Variants in KCNQ4 observed in about 807,000 individuals in gnomAD.
KCNQ4 encodes the protein potassium voltage-gated channel subfamily Q member 4.
In KCNQ4, 31 loss-of-function variants were observed where a neutral mutation model predicts 72.6. The ratio of observed to expected loss-of-function variants is 0.43; its 90% CI spans 0.32 to 0.58. The LOEUF (loss-of-function observed/expected upper bound fraction) is 0.58, where lower values mean the gene tolerates loss of function less well. KCNQ4 is among the 20% of genes least tolerant of loss of function. KCNQ4 has a pLI of 0.08. For synonymous variants in KCNQ4, 405 were observed against 403.7 expected, an observed-to-expected ratio of 1.00 and a Z score of -0.04; for missense variants, 869 against 962.6, an observed-to-expected ratio of 0.90 and a Z score of 1.29.
chr1:40,791,473 G>A (rs1570800272), intron 1 of KCNQ4, among the ~76,000 whole-genome samples: 1 of 152,162 alleles, frequency 6.6e-6, no homozygotes, highest in East Asian at 1.9e-4. Flanking sequence ...GCTACACAGA[G>A]CCCCCAGGAC....
intron 9 of KCNQ4, chr1:40,826,664 T>G (rs1558024194): frequency 2.2e-6 from 1 of 455,848 alleles, no homozygotes; most frequent in Non-Finnish European, 4.4e-6. Context: ...AAACGGAGTT[T>G]CTTTCGGATC....
At chr1:40,836,038 C>T (rs1001911460) in intron 12 of KCNQ4, among the ~76,000 whole-genome samples, 5 of 151,922 alleles carry the variant, frequency 3.3e-5, no homozygotes, top group East Asian at 1.9e-4. Flanking sequence ...TTTGTGCAAA[C>T]GACTGACAAG....
At chr1:40,791,752 C>T (rs577238210) in intron 1 of KCNQ4, among the ~76,000 whole-genome samples, 13 of 152,044 alleles carry the variant, frequency 8.6e-5, no homozygotes, top group Non-Finnish European at 5.9e-5. Flanking sequence ...ACACCCAGGC[C>T]GGGAAGGTGG....
rs187662867 is a variant in KCNQ4 at position 40,818,415 on chromosome 1, C to T, written c.533-90C>T. ...TTCAGCGGACCCTCCCCCTCCCTCC[C>T]CAGTCCCCTGCCACATCCCCAGAAG... is the stretch of plus-strand genomic sequence containing the variant. On this transcript the variant is annotated intron_variant, in intron 3 of 13. Coordinates refer to ENST00000347132, the MANE Select transcript of KCNQ4 (RefSeq NM_004700.4). The T allele has an allele frequency of 1.4e-3, 2,241 of 1,562,624 alleles. 39 individuals are homozygous for T. The African/African-American group carries it at 0.027, about 19-fold the overall frequency.
At chr1:40,816,008 G>C (rs771750897) in intron 1 of KCNQ4, among the ~76,000 whole-genome samples, 17 of 151,362 alleles carry the variant, frequency 1.1e-4, no homozygotes, top group Admixed American at 2.0e-4. Flanking sequence ...AGTTCTGAAG[G>C]GGGGATAGTG....
At chr1:40,825,433 C>G (rs968622867) in intron 9 of KCNQ4, among the ~76,000 whole-genome samples, 1 of 152,152 alleles carries the variant, frequency 6.6e-6, no homozygotes, top group Non-Finnish European at 1.5e-5. Context: ...GCTCTGGGTA[C>G]TCTAGAGTTT....
Position 40,784,237 on chromosome 1 carries a change from G to T in KCNQ4, c.144G>T (p.Leu48=). 7.5e-7 allele frequency: 1 copy of T among 1,340,428 alleles called. No individual in the cohort carries two copies. The highest frequency in any genetic ancestry group is 4.0e-5 in the Admixed American group (1 of 24,828). The allele number at this position is 1,340,428 out of a possible 1,614,324, so 83.0% of individuals were successfully genotyped here. The change falls in exon 1 of 14, where the codon CTG becomes CTT. Residue 48 remains leucine, a synonymous_variant. Coordinates refer to ENST00000347132, the MANE Select transcript of KCNQ4 (RefSeq NM_004700.4). This position sits in a 1 kb window ranked among gnomAD's most constrained non-coding sequence, Gnocchi z 4.1. ...GGGSPRRLGL[L]GSPLPPGAPL... ...GCTCCCCGCGCCGCCTCGGCCTCCT[G>T]GGCAGCCCCCTGCCGCCGGGCGCGC...
In KCNQ4 at chr1:40,784,692, C is replaced by T. The variant is rs1392181455; in HGVS notation, c.314+285C>T. 6.6e-6 allele frequency among the ~76,000 whole-genome samples: 1 copy of T among 152,230 alleles called. No homozygotes were observed. The highest frequency in any genetic ancestry group is 6.5e-5 in the Admixed American group (1 of 15,292). ...TCTCTGCTCCTCTGTCCCAGGTACT[C>T]CCGACCGCCAGCTGCCTCCCCCAAG... On this transcript the variant is annotated intron_variant, in intron 1 of 13. Coordinates refer to ENST00000347132, the MANE Select transcript of KCNQ4 (RefSeq NM_004700.4). This position sits in a 1 kb window ranked among gnomAD's most constrained non-coding sequence, Gnocchi z 4.1.
At chr1:40,815,675 C>G (rs1648064718) in intron 1 of KCNQ4, among the ~76,000 whole-genome samples, 1 of 152,202 alleles carries the variant, frequency 6.6e-6, no homozygotes, top group Non-Finnish European at 1.5e-5. Context: ...CACCTACCTT[C>G]TCAAACCAGG....
At position 40,829,650 on chromosome 1, in the gene KCNQ4, T is replaced by C. The variant is rs3820525; in HGVS notation, c.1293-1434T>C. On this transcript the variant is annotated intron_variant, in intron 9 of 13. Coordinates refer to ENST00000347132, the MANE Select transcript of KCNQ4 (RefSeq NM_004700.4). ...AATCTCTTCTCTGCTCAACCCTTGATCTGAAAGCCTCTGAGAGTAGGTGAC... is the reference window on the plus strand; with the variant it reads ...AATCTCTTCTCTGCTCAACCCTTGACCTGAAAGCCTCTGAGAGTAGGTGAC... Among the ~76,000 whole-genome samples, 44 of 152,238 alleles carry C rather than the reference T, an allele frequency of 2.9e-4. No homozygotes were observed. In the East Asian group the frequency reaches 5.6e-3, roughly 19 times the overall value.
chr1:40,787,072 G>T (rs946257981), intron 1 of KCNQ4, among the ~76,000 whole-genome samples: 9 of 152,284 alleles, frequency 5.9e-5, no homozygotes, highest in African/African-American at 2.2e-4. Flanking sequence ...GGCAGGAGGG[G>T]CCCCAGCAGA....
intron 7 of KCNQ4, among the ~76,000 whole-genome samples, chr1:40,821,027 C>T (rs1648273712): frequency 6.6e-6 from 1 of 152,226 alleles, no homozygotes; most frequent in Admixed American, 6.5e-5. Context: ...CCTCACTCAG[C>T]CCTTCCTTAT....
At chr1:40,797,875 G>A (rs144923411) in intron 1 of KCNQ4, among the ~76,000 whole-genome samples, 2 of 152,242 alleles carry the variant, frequency 1.3e-5, no homozygotes, top group African/African-American at 4.8e-5. Flanking sequence ...CTGGTGGTGT[G>A]TGGGGGTGGC....
rs951855489 is a variant in KCNQ4, at chr1:40,784,185, G to C, written c.92G>C (p.Ser31Thr). ...AELVALTAVQ[S>T]EQGEAGGGGS... The stretch of plus-strand genomic sequence containing the variant: ...CTAGTGGCGCTCACGGCCGTGCAGA[G>C]CGAACAGGGCGAGGCGGGCGGGGGC... Residue 31 changes from serine to threonine, a missense_variant, in exon 1 of 14, where the codon AGC (serine) becomes ACC (threonine). Physicochemically the swap from Ser to Thr is moderately conservative, Grantham distance 58. Around this residue, in one of 5 missense-constraint regions of KCNQ4, gnomAD observed 178 missense variants for 145.3 expected, o/e 1.22. Coordinates refer to ENST00000347132, the MANE Select transcript of KCNQ4 (RefSeq NM_004700.4). This position sits in a 1 kb window ranked among gnomAD's most constrained non-coding sequence, Gnocchi z 4.1. 5 of 1,123,414 alleles carry C rather than the reference G, an allele frequency of 4.5e-6. No individual in the cohort carries two copies. The highest frequency in any genetic ancestry group is 5.4e-6 in the Non-Finnish European group (5 of 917,870). 69.6% of individuals were successfully genotyped at this position (1,123,414 alleles called of 1,614,324 possible).
At chr1:40,830,620 CT>C (rs566871632) in intron 9 of KCNQ4, among the ~76,000 whole-genome samples, 1 of 152,264 alleles carries the variant, frequency 6.6e-6, no homozygotes, top group Admixed American at 6.5e-5. Flanking sequence ...CAGCCTGCCC[CT>C]GTGTACAGTG....
intron 1 of KCNQ4, among the ~76,000 whole-genome samples, chr1:40,815,685 G>C (rs1183264335): frequency 6.6e-6 from 1 of 152,096 alleles, no homozygotes; most frequent in Non-Finnish European, 1.5e-5. Flanking sequence ...CTCAAACCAG[G>C]GGTATTTGCT....
At chr1:40,787,447 C>T (rs1647214143) in intron 1 of KCNQ4, among the ~76,000 whole-genome samples, 1 of 152,158 alleles carries the variant, frequency 6.6e-6, no homozygotes, top group Non-Finnish European at 1.5e-5. Flanking sequence ...TAGGGTATGC[C>T]TCCCTCCCAT....
intron 1 of KCNQ4, among the ~76,000 whole-genome samples, chr1:40,815,412 C>T (rs889739986): frequency 1.3e-5 from 2 of 152,108 alleles, no homozygotes; most frequent in Non-Finnish European, 2.9e-5. Flanking sequence ...GGCCATTCCC[C>T]GAGGAGAGGG....
Position 40,794,842 on chromosome 1 carries a change from C to G in KCNQ4, c.314+10435C>G, listed in dbSNP as rs907350672. On this transcript the variant is annotated intron_variant, in intron 1 of 13. Transcript: ENST00000347132. The surrounding 1 kb of genome is among the most constrained non-coding windows in gnomAD (Gnocchi z 4.2). ...TCTGGGCGCCATCCCGGCTCCTCCC[C>G]ACTGAGCTGTGGAGCCAGAAGAGGG... 6.6e-6 allele frequency among the ~76,000 whole-genome samples: 1 copy of G among 152,140 alleles called. No homozygotes were observed. The highest frequency in any genetic ancestry group is 6.6e-5 in the Admixed American group (1 of 15,264).
Sources: allele counts gnomAD v4.1 joint callset (sites outside exome capture counted in the v4.1 genomes callset), GRCh38; gene constraint gnomAD v4.1.1; regional missense constraint gnomAD v4.1.1; non-coding constraint Gnocchi (gnomAD v3.1); transcripts MANE v1.5; gene names NCBI Gene and HGNC (gene_info 2026-07-23, HGNC 2026-07-21).